DOK6: variants seen among roughly 807,000 people sequenced by gnomAD.
DOK6 encodes the protein downstream of tyrosine kinase 6.
A neutral mutation model predicts 44.0 loss-of-function variants in DOK6; 22 were observed. The ratio of observed to expected loss-of-function variants is 0.50; its 90% CI spans 0.36 to 0.71. DOK6 has a LOEUF of 0.71. Ranked by LOEUF, DOK6 falls within the 30% of genes least tolerant of loss-of-function variation. The pLI, the probability that DOK6 is intolerant of heterozygous loss-of-function variation, is 0.00. For missense variants in DOK6, 340 were observed against 416.4 expected, an observed-to-expected ratio of 0.82 and a Z score of 1.60; for synonymous variants, 166 against 145.5, an observed-to-expected ratio of 1.14 and a Z score of -1.01.
chr18:69,610,630 C>T (rs71370306), intron 3 of DOK6, among the ~76,000 whole-genome samples: 3,652 of 152,148 alleles, frequency 0.024, 42 homozygotes, highest in Non-Finnish European at 0.035. Flanking sequence ...TCCATATCTG[C>T]GGACACTGCA....
Position 69,426,284 on chromosome 18 carries a change from G to A in DOK6, c.66+24974G>A, listed in dbSNP as rs139701744. ...CACATTTTCCTTCCTCTCCAAAGCTGTCCAGGATCTTCCTAATCCTTTACT... is the reference window on the plus strand; with the variant it reads ...CACATTTTCCTTCCTCTCCAAAGCTATCCAGGATCTTCCTAATCCTTTACT... On this transcript the variant is annotated intron_variant, in intron 1 of 7. Transcript: ENST00000382713. Among the ~76,000 whole-genome samples the A allele has an allele frequency of 6.5e-4, 99 of 152,110 alleles. 2 individuals are homozygous for A. In the East Asian group the frequency reaches 0.019, roughly 29 times the overall value.
chr18:69,762,070 C>T (rs908181466), intron 7 of DOK6, among the ~76,000 whole-genome samples: 2 of 152,000 alleles, frequency 1.3e-5, no homozygotes, highest in African/African-American at 2.4e-5. Context: ...AGGGCCAAGC[C>T]GGCAACTTGG....
In DOK6 at chr18:69,841,259, C is replaced by G. The variant is rs76231229; in HGVS notation, c.872C>G (p.Ser291Trp). The part of the protein sequence containing the change: ...IYSLQGHGFG[S>W]SKMSRAQTFP... ...TCCTCTCTAGGTCATGGGTTTGGTT[C>G]GTCAAAGATGTCTCGTGCACAGACA... The change falls in exon 8 of 8, where the codon TCG becomes TGG. Residue 291 changes from serine to tryptophan, a missense_variant. By Grantham distance (177) the Ser-to-Trp change is radical. Around this residue, in one of 3 missense-constraint regions of DOK6, gnomAD observed 112 missense variants for 109.3 expected, o/e 1.02. Transcript: ENST00000382713. The G allele has an allele frequency of 4.3e-6, 7 of 1,614,148 alleles. No homozygotes were observed. Among genetic ancestry groups the G allele is most frequent in the Non-Finnish European group, 5.9e-6 (7 of 1,180,018 alleles).
chr18:69,627,551 C>G (rs1292228218), intron 3 of DOK6, among the ~76,000 whole-genome samples: 1 of 152,152 alleles, frequency 6.6e-6, no homozygotes, highest in Non-Finnish European at 1.5e-5. Context: ...CGGGTTCACG[C>G]CATTCTCCTG....
rs1599154918 is a variant in DOK6 at position 69,487,945 on chromosome 18, G to A, written c.67-76542G>A. Among the ~76,000 whole-genome samples, 4 of 152,124 alleles carry A rather than the reference G, an allele frequency of 2.6e-5. No individual in the cohort carries two copies. In the South Asian group the frequency reaches 6.2e-4, roughly 24 times the overall value. On this transcript the variant is annotated intron_variant, in intron 1 of 7. Coordinates refer to ENST00000382713, the MANE Select transcript of DOK6 (RefSeq NM_152721.6). ...ACAGCCTTGATGTTCCACTCACATC[G>A]AGCCCACATGTCTTAGTCTTCTCAG...
intron 7 of DOK6, among the ~76,000 whole-genome samples, chr18:69,782,281 A>C (rs1453834810): frequency 6.9e-6 from 1 of 144,636 alleles, no homozygotes; most frequent in Non-Finnish European, 1.5e-5. Context: ...GCGAGATCTC[A>C]GCTCACTGCA....
At chr18:69,561,276 G>A (rs892815257) in intron 1 of DOK6, among the ~76,000 whole-genome samples, 1 of 151,038 alleles carries the variant, frequency 6.6e-6, no homozygotes, top group South Asian at 2.1e-4. Flanking sequence ...ATGTCTGTCT[G>A]ATTCCAGAGC....
At chr18:69,575,497 G>A (rs1476021811) in intron 2 of DOK6, among the ~76,000 whole-genome samples, 16 of 151,974 alleles carry the variant, frequency 1.1e-4, no homozygotes, top group Admixed American at 1.0e-3. Context: ...TTTGGTATCA[G>A]CCTTAGAGTA....
chr18:69,620,517 G>A (rs1261891533), intron 3 of DOK6, among the ~76,000 whole-genome samples: 6 of 151,988 alleles, frequency 3.9e-5, no homozygotes, highest in South Asian at 2.1e-4. Context: ...TTGAGAGGAC[G>A]GATCAAGGGT....
At position 69,412,661 on chromosome 18, in the gene DOK6, A is replaced by T. The variant is rs1263926956; in HGVS notation, c.66+11351A>T. On this transcript the variant is annotated intron_variant, in intron 1 of 7. Coordinates refer to ENST00000382713, the MANE Select transcript of DOK6 (RefSeq NM_152721.6). ...TAAAGTATGCCTCCATAAGTAAAAAAATAAAATAAAATAAATGTCTATATC... is the reference window on the plus strand; with the variant it reads ...TAAAGTATGCCTCCATAAGTAAAAATATAAAATAAAATAAATGTCTATATC... Among the ~76,000 whole-genome samples the T allele has an allele frequency of 2.0e-5, 3 of 152,160 alleles. 1 individual carries two copies. Among genetic ancestry groups the T allele is most frequent in the Non-Finnish European group, 4.4e-5 (3 of 68,022 alleles).
At position 69,846,955 on chromosome 18, in the gene DOK6, TAAGA is replaced by T; in HGVS notation, c.*5575_*5578del. Reference sequence around the variant, plus strand: ...TGATTTAAATTAACTGAAGTTTAAATAAGAAATATGTTAAAATTACTAAATAATA... The same window carrying T: ...TGATTTAAATTAACTGAAGTTTAAATAATATGTTAAAATTACTAAATAATA... On this transcript the variant is annotated 3_prime_UTR_variant, in exon 8 of 8. Transcript: ENST00000382713. The T allele has an allele frequency of 6.6e-6, 1 of 152,168 alleles. No homozygotes were observed. The highest frequency in any genetic ancestry group is 1.9e-4 in the East Asian group (1 of 5,196). 9.4% of individuals were successfully genotyped at this position (152,168 alleles called of 1,614,324 possible).
intron 1 of DOK6, among the ~76,000 whole-genome samples, chr18:69,471,250 CAA>C (rs71176969): frequency 0.024 from 672 of 27,674 alleles, 3 homozygotes; most frequent in African/African-American, 0.073. Context: ...AACTCCATCT[CAA>C]AAAAAAAAAA....
At chr18:69,626,498 AGC>A (rs1362762990) in intron 3 of DOK6, among the ~76,000 whole-genome samples, 10 of 152,234 alleles carry the variant, frequency 6.6e-5, no homozygotes, top group Non-Finnish European at 1.0e-4. Context: ...GCTGCAAACA[AGC>A]AAAGAAAAAT....
chr18:69,504,686 G>C (rs79419602), intron 1 of DOK6, among the ~76,000 whole-genome samples: 2,417 of 152,058 alleles, frequency 0.016, 61 homozygotes, highest in African/African-American at 0.055. Context: ...TTTTCCATTT[G>C]TTTAACATGT....
chr18:69,694,060 A>C (rs1219210610), intron 4 of DOK6, among the ~76,000 whole-genome samples: 1 of 22,908 alleles, frequency 4.4e-5, no homozygotes, highest in Admixed American at 4.6e-4. Flanking sequence ...CTCCGTGTCA[A>C]AAAAAAAAAA....
intron 1 of DOK6, among the ~76,000 whole-genome samples, chr18:69,432,409 A>G (rs1978832733): frequency 6.6e-6 from 1 of 152,218 alleles, no homozygotes; most frequent in Non-Finnish European, 1.5e-5. Context: ...ATGCCGTTGC[A>G]TTCTAGCCTG....
intron 1 of DOK6, among the ~76,000 whole-genome samples, chr18:69,415,044 G>A (rs977528281): frequency 1.3e-5 from 2 of 152,024 alleles, no homozygotes; most frequent in Non-Finnish European, 2.9e-5. Context: ...GAATTGGGTA[G>A]AAGAACACCA....
chr18:69,838,837 C>T (rs1982126002), intron 7 of DOK6, among the ~76,000 whole-genome samples: 1 of 149,702 alleles, frequency 6.7e-6, no homozygotes, highest in African/African-American at 2.5e-5. Context: ...CTAACTCCTC[C>T]CCTAGTTCCT....
In DOK6 at chr18:69,757,767, C is replaced by G; in HGVS notation, c.750C>G (p.Ser250Arg). 1 of 1,614,068 alleles carries G rather than the reference C, an allele frequency of 6.2e-7. No individual in the cohort carries two copies. Among genetic ancestry groups the G allele is most frequent in the Non-Finnish European group, 8.5e-7 (1 of 1,179,950 alleles). Residue 250 changes from serine to arginine, a missense_variant, in exon 7 of 8, where the codon AGC becomes AGG. By Grantham distance (110) the Ser-to-Arg change is moderately radical. Transcript: ENST00000382713. ...CTTTTCTCTTTTAGCTTCAGACAAG[C>G]TTGACTGAACCAATGACATTATCCA... is the stretch of plus-strand genomic sequence containing the variant. Reference protein sequence around the residue: ...EMEQKARLQTSLTEPMTLSKS... With the variant: ...EMEQKARLQTRLTEPMTLSKS...
Sources: gnomAD v4.1 joint callset for allele counts (sites outside exome capture counted in the v4.1 genomes callset) on GRCh38, gnomAD v4.1.1 for gene constraint, gnomAD v4.1.1 regional missense constraint, MANE v1.5 for transcripts, NCBI Gene and HGNC (gene_info 2026-07-23, HGNC 2026-07-21) for gene names.